Variants in NOS1AP observed in about 807,000 individuals in gnomAD.
NOS1AP encodes carboxyl-terminal PDZ ligand of neuronal nitric oxide synthase protein.
NOS1AP carries 21 observed loss-of-function variants against 56.2 expected under a neutral mutation model. The ratio of observed to expected loss-of-function variants is 0.37; its 90% CI spans 0.26 to 0.54. NOS1AP has a LOEUF of 0.54. NOS1AP is among the 20% of genes least tolerant of loss of function. NOS1AP has a pLI of 0.84. For synonymous variants in NOS1AP, 270 were observed against 274.6 expected (o/e 0.98, Z 0.17); for missense variants, 522 against 657.8 (o/e 0.79, Z 2.26).
chr1:162,083,270 G>A (rs5000342), intron 1 of NOS1AP, among the ~76,000 whole-genome samples: 97,169 of 151,952 alleles, frequency 0.64, 31,466 homozygotes, highest in Non-Finnish European at 0.69. Context: ...AGAAGCACTC[G>A]TGTAGAAGCA....
chr1:162,265,394 A>C (rs1654392032), intron 2 of NOS1AP, among the ~76,000 whole-genome samples: 1 of 117,510 alleles, frequency 8.5e-6, no homozygotes, highest in Non-Finnish European at 1.8e-5. Context: ...CCACCCCACA[A>C]CAGTTCCCAG....
At chr1:162,204,693 G>A (rs1203381942) in intron 2 of NOS1AP, among the ~76,000 whole-genome samples, 5 of 152,228 alleles carry the variant, frequency 3.3e-5, no homozygotes, top group Non-Finnish European at 7.3e-5. Flanking sequence ...CAGTGCAGCT[G>A]CTGCCAGCTG....
chr1:162,359,174 T>C (rs2101823604), intron 8 of NOS1AP, among the ~76,000 whole-genome samples: 1 of 152,288 alleles, frequency 6.6e-6, no homozygotes, highest in Admixed American at 6.5e-5. Context: ...CTGAGCACCC[T>C]TAGCCTCTCA....
At chr1:162,302,576 C>A (rs987539960) in intron 4 of NOS1AP, among the ~76,000 whole-genome samples, 1 of 152,156 alleles carries the variant, frequency 6.6e-6, no homozygotes, top group African/African-American at 2.4e-5. Flanking sequence ...TGAGTTCTGC[C>A]TTTTCCTGGT....
At chr1:162,254,363 G>C (rs1371446939) in intron 2 of NOS1AP, among the ~76,000 whole-genome samples, 1 of 152,216 alleles carries the variant, frequency 6.6e-6, no homozygotes, top group Non-Finnish European at 1.5e-5. Flanking sequence ...GGACTGACAT[G>C]AACCATTGTG....
intron 1 of NOS1AP, among the ~76,000 whole-genome samples, chr1:162,083,993 T>A (rs949188923): frequency 1.3e-5 from 2 of 152,176 alleles, no homozygotes; most frequent in Non-Finnish European, 2.9e-5. Flanking sequence ...GTGATTTTGA[T>A]TCAGTTATTA....
At chr1:162,120,547 C>T (rs1648169197) in intron 1 of NOS1AP, among the ~76,000 whole-genome samples, 1 of 152,220 alleles carries the variant, frequency 6.6e-6, no homozygotes, top group Admixed American at 6.5e-5. Context: ...GCCTCACAAT[C>T]ATGGCAGAAG....
rs552018595 is a variant in NOS1AP at position 162,298,439 on chromosome 1, G to A, written c.271-2194G>A. 5.9e-5 allele frequency among the ~76,000 whole-genome samples: 9 copies of A among 152,336 alleles called. No homozygotes were observed. The East Asian group carries it at 1.7e-3, about 29-fold the overall frequency. ...ACAAACCAGGGTGGTGTAATTGGAAGCCCAGTGGGGACCTAGAACTCCCAC... is the reference window on the plus strand; with the variant it reads ...ACAAACCAGGGTGGTGTAATTGGAAACCCAGTGGGGACCTAGAACTCCCAC... On this transcript the variant is annotated intron_variant, in intron 3 of 9. Coordinates refer to ENST00000361897, the MANE Select transcript of NOS1AP (RefSeq NM_014697.3).
chr1:162,094,654 C>T (rs1465596838), intron 1 of NOS1AP, among the ~76,000 whole-genome samples: 2 of 152,186 alleles, frequency 1.3e-5, no homozygotes, highest in Non-Finnish European at 2.9e-5. Flanking sequence ...TTTTAGGGAC[C>T]ATCACCTTTC....
At chr1:162,132,595 G>A (rs1450657332) in intron 1 of NOS1AP, among the ~76,000 whole-genome samples, 4 of 152,198 alleles carry the variant, frequency 2.6e-5, no homozygotes, top group Admixed American at 6.5e-5. Context: ...TTTAATGATA[G>A]CACTTAATAA....
At chr1:162,212,502 G>A (rs186071144) in intron 2 of NOS1AP, among the ~76,000 whole-genome samples, 2 of 152,306 alleles carry the variant, frequency 1.3e-5, no homozygotes, top group South Asian at 2.1e-4. Context: ...AGTGACTGGG[G>A]TTTGGGATGG....
intron 2 of NOS1AP, among the ~76,000 whole-genome samples, chr1:162,222,408 A>G (rs565660827): frequency 2.0e-5 from 3 of 152,298 alleles, no homozygotes; most frequent in East Asian, 3.9e-4. Context: ...AGAGCTCATT[A>G]TGGACTTGGG....
chr1:162,190,920 C>A (rs1651609349), intron 2 of NOS1AP, among the ~76,000 whole-genome samples: 1 of 152,070 alleles, frequency 6.6e-6, no homozygotes, highest in South Asian at 2.1e-4. Context: ...TTCTGATGGT[C>A]TGAGGAGAGC....
At chr1:162,265,776 T>C (rs1236159710) in intron 2 of NOS1AP, among the ~76,000 whole-genome samples, 2 of 152,214 alleles carry the variant, frequency 1.3e-5, no homozygotes, top group Non-Finnish European at 2.9e-5. Flanking sequence ...TGTGTGACTA[T>C]ATTACTGTTA....
At chr1:162,216,357 A>G (rs1384759059) in intron 2 of NOS1AP, among the ~76,000 whole-genome samples, 2 of 152,248 alleles carry the variant, frequency 1.3e-5, no homozygotes, top group Non-Finnish European at 2.9e-5. Flanking sequence ...ATCCATGCCC[A>G]TGTAACTCTG....
intron 4 of NOS1AP, among the ~76,000 whole-genome samples, chr1:162,304,727 T>C (rs1048880388): frequency 2.6e-5 from 4 of 152,064 alleles, no homozygotes; most frequent in African/African-American, 4.8e-5. Context: ...GGGTACTTTT[T>C]TTCATGTATT....
chr1:162,107,111 A>G (rs1647544295), intron 1 of NOS1AP, among the ~76,000 whole-genome samples: 1 of 152,190 alleles, frequency 6.6e-6, no homozygotes, highest in Non-Finnish European at 1.5e-5. Flanking sequence ...TAATAGAGTG[A>G]TTGTCATGAT....
At chr1:162,249,290 C>T (rs1406468217) in intron 2 of NOS1AP, among the ~76,000 whole-genome samples, 1 of 152,254 alleles carries the variant, frequency 6.6e-6, no homozygotes, top group East Asian at 1.9e-4. Context: ...AGATGTCTCA[C>T]TTTTTAAAAT....
chr1:162,290,671 C>T (rs542041859), intron 3 of NOS1AP, among the ~76,000 whole-genome samples: 2 of 152,294 alleles, frequency 1.3e-5, no homozygotes, highest in Admixed American at 1.3e-4. Flanking sequence ...CCTGACATTG[C>T]CCACTGATTC....
Sources: gnomAD v4.1 joint callset for allele counts (sites outside exome capture counted in the v4.1 genomes callset) on GRCh38, gnomAD v4.1.1 for gene constraint, MANE v1.5 for transcripts, NCBI Gene and HGNC (gene_info 2026-07-23, HGNC 2026-07-21) for gene names.